GALNT13: variants seen among roughly 807,000 people sequenced by gnomAD.
GALNT13 encodes the protein UDP-GalNAc:polypeptide N-acetylgalactosaminyltransferase 13.
GALNT13 carries 28 observed loss-of-function variants against 64.2 expected under a neutral mutation model. That is an observed-to-expected ratio of 0.44 (90% CI 0.32 to 0.60). The LOEUF is 0.60. GALNT13 is among the 20% of genes least tolerant of loss of function. The pLI is 0.05. For missense variants in GALNT13, 577 were observed against 669.8 expected (o/e 0.86, Z 1.53); for synonymous variants, 214 against 224.6 (o/e 0.95, Z 0.42).
intron 3 of GALNT13, among the ~76,000 whole-genome samples, chr2:154,071,290 GT>G (rs1700729220): frequency 6.6e-6 from 1 of 152,074 alleles, no homozygotes; most frequent in Non-Finnish European, 1.5e-5. Context: ...GATATAGGGG[GT>G]TGACGCCATT....
chr2:154,283,498 ATTTTTTT>A (rs1260625981), intron 8 of GALNT13, among the ~76,000 whole-genome samples: 1 of 150,456 alleles, frequency 6.6e-6, no homozygotes, highest in Non-Finnish European at 1.5e-5. Flanking sequence ...TTAATTTCTG[ATTTTTTT>A]ACTATATATA....
intron 4 of GALNT13, among the ~76,000 whole-genome samples, chr2:154,165,012 A>C (rs1190287759): frequency 6.6e-6 from 1 of 152,152 alleles, no homozygotes; most frequent in East Asian, 1.9e-4. Context: ...ACACTGTTTG[A>C]AAAACTGAAA....
chr2:154,193,207 A>G (rs2105760961), intron 4 of GALNT13, among the ~76,000 whole-genome samples: 1 of 152,332 alleles, frequency 6.6e-6, no homozygotes, highest in South Asian at 2.1e-4. Flanking sequence ...ATATTTCATA[A>G]ATAATTTATA....
At chr2:153,622,527 T>C in the GALNT13 span, among the ~76,000 whole-genome samples, 2 of 152,188 alleles carry the variant, frequency 1.3e-5, no homozygotes, top group African/African-American at 4.8e-5. Context: ...ATTTAGTTTA[T>C]GGTCTCGCCA....
At chr2:153,313,033 A>T in the GALNT13 span, among the ~76,000 whole-genome samples, 6 of 152,216 alleles carry the variant, frequency 3.9e-5, no homozygotes, top group African/African-American at 1.4e-4. Context: ...TTAAAATGTC[A>T]AAAAATAACA....
chr2:153,126,936 T>TTGGC, the GALNT13 span, among the ~76,000 whole-genome samples: 2 of 152,074 alleles, frequency 1.3e-5, no homozygotes, highest in Non-Finnish European at 2.9e-5. Flanking sequence ...TAATTTTTCG[T>TTGGC]TGGCTGGCTG....
At chr2:153,420,714 T>A in the GALNT13 span, 1 of 227,754 alleles carries the variant, frequency 4.4e-6, no homozygotes, top group Non-Finnish European at 9.8e-6. Context: ...CACACCAACC[T>A]CCTCATAATC....
chr2:154,322,525 G>A (rs1405854029), intron 9 of GALNT13, among the ~76,000 whole-genome samples: 1 of 152,056 alleles, frequency 6.6e-6, no homozygotes, highest in Non-Finnish European at 1.5e-5. Context: ...CATATCAGTG[G>A]CAGCCTTGGT....
At chr2:153,487,399 T>C in the GALNT13 span, among the ~76,000 whole-genome samples, 1 of 152,218 alleles carries the variant, frequency 6.6e-6, no homozygotes, top group Non-Finnish European at 1.5e-5. Flanking sequence ...CTCAATTTCC[T>C]TATCTGCCAA....
At chr2:153,240,700 A>G in the GALNT13 span, among the ~76,000 whole-genome samples, 1 of 151,956 alleles carries the variant, frequency 6.6e-6, no homozygotes, top group East Asian at 1.9e-4. Flanking sequence ...GCCCTATCAC[A>G]TTGTGTCTGT....
intron 3 of GALNT13, among the ~76,000 whole-genome samples, chr2:153,971,127 C>G (rs1401514): frequency 0.25 from 38,624 of 152,020 alleles, 6,852 homozygotes; most frequent in East Asian, 0.82. Flanking sequence ...CTTGCTAACT[C>G]TTCTGTATGT....
chr2:153,358,045 C>CATATGAACTTTCAA, the GALNT13 span, among the ~76,000 whole-genome samples: 1 of 152,132 alleles, frequency 6.6e-6, no homozygotes, highest in South Asian at 2.1e-4. Context: ...GAGGTTTTCA[C>CATATGAACTTTCAA]ATATGAAAGC....
Position 154,277,066 on chromosome 2 carries a change from T to C in GALNT13, c.975+17928T>C, listed in dbSNP as rs933478656. Among the ~76,000 whole-genome samples, 15 of 152,332 alleles carry C rather than the reference T, an allele frequency of 9.8e-5. 1 individual carries two copies. The highest frequency in any genetic ancestry group is 2.0e-4 in the Admixed American group (3 of 15,298). On this transcript the variant is annotated intron_variant, in intron 8 of 12. Transcript: ENST00000392825. ...CACTCCTACTTTGTTCTTTGAGGCA[T>C]ATCTAAGTTTAGAGTAGAACATCTG...
chr2:154,257,861 A>G (rs1690465732), intron 7 of GALNT13: 1 of 152,192 alleles, frequency 6.6e-6, no homozygotes, highest in Non-Finnish European at 1.5e-5. Flanking sequence ...ACAGCCTCAC[A>G]GACTACTTAG....
chr2:153,878,346 A>G (rs1686537816), intron 1 of GALNT13, among the ~76,000 whole-genome samples: 1 of 152,134 alleles, frequency 6.6e-6, no homozygotes, highest in Non-Finnish European at 1.5e-5. Flanking sequence ...TTGTGCTTGG[A>G]TGCCCATCTT....
chr2:154,381,014 G>A (rs1028490011), intron 9 of GALNT13, among the ~76,000 whole-genome samples: 1 of 151,978 alleles, frequency 6.6e-6, no homozygotes, highest in Non-Finnish European at 1.5e-5. Flanking sequence ...TAGAGTTCCT[G>A]CTAACAAGAT....
chr2:154,438,481 A>G (rs1051508145), intron 11 of GALNT13, 111 bp from the exon 12 acceptor site: 27 of 684,068 alleles, frequency 3.9e-5, no homozygotes, highest in Non-Finnish European at 5.7e-5. Flanking sequence ...CATACCAGCA[A>G]TCGTTTGAAA....
chr2:153,912,632 G>A (rs1311396297), intron 2 of GALNT13, among the ~76,000 whole-genome samples: 1 of 151,916 alleles, frequency 6.6e-6, no homozygotes, highest in East Asian at 1.9e-4. Flanking sequence ...GTGGTATAAG[G>A]TGTATTCAGT....
At chr2:153,132,653 C>T in the GALNT13 span, among the ~76,000 whole-genome samples, 1 of 152,124 alleles carries the variant, frequency 6.6e-6, no homozygotes, top group East Asian at 1.9e-4. Flanking sequence ...TGTAGCAAGC[C>T]AAGCACATTT....
Sources: allele counts gnomAD v4.1 joint callset (sites outside exome capture counted in the v4.1 genomes callset), GRCh38; gene constraint gnomAD v4.1.1; transcripts MANE v1.5; gene names NCBI Gene and HGNC (gene_info 2026-07-23, HGNC 2026-07-21).